The following TRAPPC12 variants were observed in gnomAD, a reference collection of about 807,000 sequenced individuals.
The protein encoded by TRAPPC12 is trafficking protein particle complex subunit 12, also known as TPR repeat protein 15.
In TRAPPC12, 61 loss-of-function variants were observed where a neutral mutation model predicts 69.2. The ratio of observed to expected loss-of-function variants is 0.88; its 90% CI spans 0.72 to 1.09. The LOEUF (loss-of-function observed/expected upper bound fraction) is 1.09. Among genes scored for constraint, TRAPPC12 ranks in the 50% least tolerant of loss-of-function variants. TRAPPC12 has a pLI of 0.00. For synonymous variants in TRAPPC12, 469 were observed against 438.9 expected (o/e 1.07, Z -0.86); for missense variants, 1,101 against 1,016.4 (o/e 1.08, Z -1.13).
intron 6 of TRAPPC12, among the ~76,000 whole-genome samples, chr2:3,451,561 T>C (rs1357279779): frequency 6.6e-6 from 1 of 152,150 alleles, no homozygotes; most frequent in Non-Finnish European, 1.5e-5. Flanking sequence ...TCTTATTCTG[T>C]CACCCAGACT....
chr2:3,420,196 AC>A (rs1383873676), intron 3 of TRAPPC12, among the ~76,000 whole-genome samples: 1 of 152,082 alleles, frequency 6.6e-6, no homozygotes, highest in Non-Finnish European at 1.5e-5. Context: ...TAAAAAAAAA[AC>A]AACTATCAAC....
At position 3,421,882 on chromosome 2, in the gene TRAPPC12, G is replaced by T; in HGVS notation, c.1166G>T (p.Ser389Ile). 6.2e-7 allele frequency: 1 copy of T among 1,613,382 alleles called. No homozygotes were observed. Among genetic ancestry groups the T allele is most frequent in the Non-Finnish European group, 8.5e-7 (1 of 1,179,494 alleles). ...CACATGTTCTGCCGTGTCTTGCAGA[G>T]CTGCAGAAACTGGAGGGCAGCAGTG... The part of the protein sequence containing the change: ...QSFVGLKQLI[S>I]CRNWRAAVDL... The change falls in exon 4 of 12, where the codon AGC (serine) becomes ATC (isoleucine). Residue 389 changes from serine to isoleucine, a missense_variant and splice_region_variant. Transcript: ENST00000324266.
chr2:3,399,944 C>T (rs1162236626), intron 2 of TRAPPC12, among the ~76,000 whole-genome samples: 1 of 152,164 alleles, frequency 6.6e-6, no homozygotes, highest in Non-Finnish European at 1.5e-5. Context: ...CCCAGTGGCC[C>T]GCCTGCAGCA....
intron 7 of TRAPPC12, chr2:3,458,158 C>CAGTT (rs1003165265): frequency 3.0e-6 from 3 of 1,009,928 alleles, no homozygotes; most frequent in Admixed American, 1.0e-4. Flanking sequence ...GGGACCTGGG[C>CAGTT]AGTTCCCTGG....
At chr2:3,403,637 A>T (rs1661575852) in intron 3 of TRAPPC12, among the ~76,000 whole-genome samples, 1 of 152,236 alleles carries the variant, frequency 6.6e-6, no homozygotes, top group Non-Finnish European at 1.5e-5. Flanking sequence ...ATGACAGGTG[A>T]AGGTTAGCCT....
At chr2:3,435,339 G>A (rs1374962159) in intron 5 of TRAPPC12, among the ~76,000 whole-genome samples, 1 of 152,134 alleles carries the variant, frequency 6.6e-6, no homozygotes, top group Non-Finnish European at 1.5e-5. Flanking sequence ...GTTACTGGGG[G>A]GGCAGGGGAA....
chr2:3,443,819 G>A lies in TRAPPC12; in HGVS notation c.1458G>A (p.Glu486=), dbSNP rs563715164. The change falls in exon 6 of 12, where the codon GAG becomes GAA. Residue 486 remains glutamate, a synonymous_variant. Transcript: ENST00000324266. Reference sequence around the variant, plus strand: ...TCTCGATGCGCATCTTGCACGCGGAGCTTCAGCAGTACCTGGGGAACCCAC... The same window carrying A: ...TCTCGATGCGCATCTTGCACGCGGAACTTCAGCAGTACCTGGGGAACCCAC... ...VPFSMRILHA[E]LQQYLGNPQE... 6.6e-5 allele frequency: 107 copies of A among 1,614,116 alleles called. 2 individuals are homozygous for A. The South Asian group carries it at 1.0e-3, about 16-fold the overall frequency.
At chr2:3,449,310 G>A (rs548391389) in intron 6 of TRAPPC12, 1 of 152,536 alleles carries the variant, frequency 6.6e-6, no homozygotes, top group East Asian at 1.9e-4. Flanking sequence ...CTGTTCGGTT[G>A]TAGTTTCATT....
chr2:3,404,282 T>C (rs543314616), intron 3 of TRAPPC12, among the ~76,000 whole-genome samples: 13 of 152,340 alleles, frequency 8.5e-5, no homozygotes, highest in Admixed American at 7.2e-4. Flanking sequence ...AACTTCTCTT[T>C]GACTTTCTAC....
intron 10 of TRAPPC12, among the ~76,000 whole-genome samples, chr2:3,478,309 G>C (rs1308975354): frequency 1.3e-5 from 2 of 152,206 alleles, no homozygotes; most frequent in African/African-American, 4.8e-5. Context: ...AGTCATTTAG[G>C]TGAAGTTACT....
intron 6 of TRAPPC12, among the ~76,000 whole-genome samples, chr2:3,444,970 A>G (rs1319858658): frequency 2.6e-5 from 4 of 152,238 alleles, no homozygotes; most frequent in African/African-American, 9.6e-5. Flanking sequence ...GAATCTTAAA[A>G]CGGGGTTTAA....
chr2:3,400,618 C>G (rs144408574), intron 2 of TRAPPC12, among the ~76,000 whole-genome samples: 6 of 152,192 alleles, frequency 3.9e-5, no homozygotes, highest in African/African-American at 1.2e-4. Flanking sequence ...TCCTGCCGCC[C>G]GTGGAGAGCA....
intron 11 of TRAPPC12, 53 bp downstream of exon 11, chr2:3,478,986 G>C (rs957258499): frequency 7.6e-6 from 12 of 1,572,028 alleles, no homozygotes; most frequent in Non-Finnish European, 9.6e-6. Flanking sequence ...ACAGACGCTA[G>C]AAACATACAC....
At position 3,387,722 on chromosome 2, in the gene TRAPPC12, G is replaced by T; in HGVS notation, c.99G>T (p.Glu33Asp). 2 of 1,602,952 alleles carry T rather than the reference G, an allele frequency of 1.2e-6. No homozygotes were observed. Among genetic ancestry groups the T allele is most frequent in the Non-Finnish European group, 1.7e-6 (2 of 1,174,782 alleles). ...AGGAGCAGGGGTTGCTCTTCCAGGA[G>T]GAAACCATCGATCTTGGCGGAGATG... is the stretch of plus-strand genomic sequence containing the variant. Reference protein sequence around the residue: ...PPEEQGLLFQEETIDLGGDEF... With the variant: ...PPEEQGLLFQDETIDLGGDEF... Residue 33 changes from glutamate to aspartate, a missense_variant, in exon 2 of 12, where the codon GAG becomes GAT. Transcript: ENST00000324266.
chr2:3,461,333 G>A (rs768557143), intron 8 of TRAPPC12, among the ~76,000 whole-genome samples: 12 of 152,188 alleles, frequency 7.9e-5, no homozygotes, highest in Non-Finnish European at 1.3e-4. Flanking sequence ...TCAGGAAGAC[G>A]TGCAGCCCGC....
At chr2:3,402,587 C>T (rs1449740032) in intron 3 of TRAPPC12, among the ~76,000 whole-genome samples, 1 of 152,172 alleles carries the variant, frequency 6.6e-6, no homozygotes, top group Non-Finnish European at 1.5e-5. Flanking sequence ...CAGAGCGAGA[C>T]TCCGTCTCAA....
At chr2:3,418,267 T>G (rs1437730068) in intron 3 of TRAPPC12, among the ~76,000 whole-genome samples, 1 of 150,050 alleles carries the variant, frequency 6.7e-6, no homozygotes, top group African/African-American at 2.5e-5. Flanking sequence ...TAATCAGTCA[T>G]GAAAGAATAA....
intron 9 of TRAPPC12, among the ~76,000 whole-genome samples, chr2:3,470,383 C>T (rs906920624): frequency 4.6e-5 from 7 of 152,382 alleles, no homozygotes; most frequent in African/African-American, 1.2e-4. Flanking sequence ...GTGCGTGGTT[C>T]GCAGCCCCGG....
At chr2:3,381,953 GTTTA>G (rs1202467909) in intron 1 of TRAPPC12, among the ~76,000 whole-genome samples, 1 of 152,056 alleles carries the variant, frequency 6.6e-6, no homozygotes, top group Admixed American at 6.6e-5. Flanking sequence ...GAGTCATGCT[GTTTA>G]TTTTTCTACT....
Sources: gnomAD v4.1 joint callset for allele counts (sites outside exome capture counted in the v4.1 genomes callset) on GRCh38, gnomAD v4.1.1 for gene constraint, MANE v1.5 for transcripts, NCBI Gene and HGNC (gene_info 2026-07-23, HGNC 2026-07-21) for gene names.